Variants in KALRN observed in about 807,000 individuals in gnomAD.
The protein encoded by KALRN is kalirin RhoGEF kinase, also known as kalirin.
Under a neutral mutation model 353.7 loss-of-function variants are expected in KALRN, and 70 were observed. The observed-to-expected ratio is 0.20, with a 90% CI of 0.16 to 0.24. The LOEUF is 0.24. KALRN is among the 10% of genes least tolerant of loss of function. The probability of loss-of-function intolerance (pLI) is 1.00; values close to 1 mark genes in which losing one functional copy is unlikely to be tolerated. For missense variants in KALRN, 2,791 were observed against 3,756.7 expected, an observed-to-expected ratio of 0.74 and a Z score of 6.72; for synonymous variants, 1,391 against 1,434.8, an observed-to-expected ratio of 0.97 and a Z score of 0.69.
intron 37 of KALRN, among the ~76,000 whole-genome samples, chr3:124,647,003 C>G (rs1044701700): frequency 4.6e-5 from 7 of 152,032 alleles, no homozygotes; most frequent in African/African-American, 1.7e-4. Context: ...TGCTATTTCC[C>G]TGCTTACAAC....
chr3:124,683,004 G>A (rs1354768388), intron 51 of KALRN, among the ~76,000 whole-genome samples: 1 of 151,902 alleles, frequency 6.6e-6, no homozygotes, highest in East Asian at 1.9e-4. Flanking sequence ...ATACCTCATG[G>A]AGAACTGTTC....
intron 1 of KALRN, among the ~76,000 whole-genome samples, chr3:124,120,060 T>C (rs969322505): frequency 6.6e-6 from 1 of 152,144 alleles, no homozygotes; most frequent in African/African-American, 2.4e-5. Context: ...TTCACTGACT[T>C]TCTTAGTTGT....
In KALRN at chr3:124,256,206, T is replaced by G. The variant is rs1465102546; in HGVS notation, c.264-8292T>G. ...TGGGAGAAAGTGGCATTTGTCTCCC[T>G]AAGGCCAAACTGTAATGTAGGACAA... is the stretch of plus-strand genomic sequence containing the variant. On this transcript the variant is annotated intron_variant, in intron 3 of 59. Coordinates refer to ENST00000682506, the MANE Select transcript of KALRN (RefSeq NM_001388419.1). Among the ~76,000 whole-genome samples the G allele has an allele frequency of 3.9e-5, 6 of 152,282 alleles. No individual in the cohort carries two copies. The East Asian group carries it at 9.7e-4, about 25-fold the overall frequency.
At chr3:124,267,867 T>C (rs1031438124) in intron 4 of KALRN, among the ~76,000 whole-genome samples, 16 of 152,182 alleles carry the variant, frequency 1.1e-4, no homozygotes, top group African/African-American at 3.9e-4. Context: ...ATACATTTAA[T>C]CTCTGCAAGC....
intron 5 of KALRN, among the ~76,000 whole-genome samples, chr3:124,292,253 G>A (rs1294460810): frequency 6.6e-6 from 1 of 152,136 alleles, no homozygotes; most frequent in Non-Finnish European, 1.5e-5. Flanking sequence ...CACTTTGTAG[G>A]ATCTCATCCC....
intron 6 of KALRN, among the ~76,000 whole-genome samples, chr3:124,316,606 T>C (rs2078837008): frequency 6.6e-6 from 1 of 152,210 alleles, no homozygotes; most frequent in South Asian, 2.1e-4. Flanking sequence ...ACCTTCTTAC[T>C]TCATTCAGGG....
intron 3 of KALRN, among the ~76,000 whole-genome samples, chr3:124,252,214 C>T (rs946062102): frequency 2.0e-5 from 3 of 152,126 alleles, no homozygotes; most frequent in Non-Finnish European, 4.4e-5. Context: ...TAAAAATGAT[C>T]GAGTCCAACC....
chr3:124,326,456 G>GTGTGCA (rs2079926311), intron 7 of KALRN, among the ~76,000 whole-genome samples: 1 of 152,026 alleles, frequency 6.6e-6, no homozygotes, highest in African/African-American at 2.4e-5. Flanking sequence ...TTGCATGTGC[G>GTGTGCA]TGTGTGCATG....
At chr3:124,565,866 A>T (rs920473219) in intron 34 of KALRN, among the ~76,000 whole-genome samples, 6 of 152,196 alleles carry the variant, frequency 3.9e-5, no homozygotes, top group Non-Finnish European at 8.8e-5. Context: ...TCAGGGTAAG[A>T]ATTGCACAGG....
chr3:124,235,425 T>C (rs2079636888), intron 3 of KALRN, among the ~76,000 whole-genome samples: 1 of 152,106 alleles, frequency 6.6e-6, no homozygotes, highest in Non-Finnish European at 1.5e-5. Context: ...AGGATGATAA[T>C]TTTAAAAAGT....
At chr3:124,184,968 A>G (rs1269253640) in intron 1 of KALRN, among the ~76,000 whole-genome samples, 2 of 152,208 alleles carry the variant, frequency 1.3e-5, no homozygotes, top group South Asian at 2.1e-4. Flanking sequence ...CCAGTTCAGT[A>G]TAGCTAGCAA....
chr3:124,348,862 C>T (rs2082550113), intron 10 of KALRN, among the ~76,000 whole-genome samples: 1 of 131,902 alleles, frequency 7.6e-6, no homozygotes, highest in Non-Finnish European at 1.8e-5. Context: ...GGATTACAGG[C>T]ACCTGCCACC....
intron 33 of KALRN, among the ~76,000 whole-genome samples, chr3:124,503,584 G>C (rs2064864557): frequency 6.6e-6 from 1 of 152,072 alleles, no homozygotes; most frequent in Non-Finnish European, 1.5e-5. Flanking sequence ...AAGGAGCAGA[G>C]AGCAACAAAA....
rs754319334 is a variant in KALRN, at chr3:124,456,742, T to G, written c.3854+14T>G. On this transcript the variant is annotated intron_variant, in intron 23 of 59. Transcript: ENST00000682506. Reference sequence around the variant, plus strand: ...CCGGAAGAAAGAGTACGTGTTGGCTTCCGCCCAGCTAGCTGGCTCCCCGTG... The same window carrying G: ...CCGGAAGAAAGAGTACGTGTTGGCTGCCGCCCAGCTAGCTGGCTCCCCGTG... 7 of 1,587,226 alleles carry G rather than the reference T, an allele frequency of 4.4e-6. No individual in the cohort carries two copies. In the African/African-American group the frequency reaches 9.4e-5, roughly 21 times the overall value.
At position 124,616,417 on chromosome 3, in the gene KALRN, C is replaced by G. The variant is rs777911213; in HGVS notation, c.5183-16003C>G. 2.0e-5 allele frequency among the ~76,000 whole-genome samples: 3 copies of G among 152,192 alleles called. No homozygotes were observed. The South Asian group carries it at 6.2e-4, about 32-fold the overall frequency. ...CGGCTAGACTGCAACTTAGCTCCTACTTTGGCATTCATAACAGGTTTTGAG... is the reference window on the plus strand; with the variant it reads ...CGGCTAGACTGCAACTTAGCTCCTAGTTTGGCATTCATAACAGGTTTTGAG... On this transcript the variant is annotated intron_variant, in intron 34 of 59. Coordinates refer to ENST00000682506, the MANE Select transcript of KALRN (RefSeq NM_001388419.1).
intron 2 of KALRN, among the ~76,000 whole-genome samples, chr3:124,232,482 A>G (rs2079278475): frequency 6.6e-6 from 1 of 152,146 alleles, no homozygotes; most frequent in Non-Finnish European, 1.5e-5. Flanking sequence ...TTGGAGTTCA[A>G]CAGCCTGCCT....
chr3:124,036,966 A>G (rs957922709), intron 1 of KALRN, among the ~76,000 whole-genome samples: 8 of 152,154 alleles, frequency 5.3e-5, no homozygotes, highest in African/African-American at 1.9e-4. Flanking sequence ...CTACTATTCT[A>G]GATTGGTAGA....
At chr3:124,051,666 T>G (rs145506563) in intron 1 of KALRN, among the ~76,000 whole-genome samples, 193 of 152,304 alleles carry the variant, frequency 1.3e-3, no homozygotes, top group African/African-American at 4.6e-3. Context: ...GCGGAAAACT[T>G]TTGTGTTTTA....
chr3:124,116,282 A>G (rs760366237), intron 1 of KALRN, among the ~76,000 whole-genome samples: 26 of 152,346 alleles, frequency 1.7e-4, no homozygotes, highest in Non-Finnish European at 3.1e-4. Flanking sequence ...TAGTCCTTGT[A>G]CTGGAAAAAG....
Sources: gnomAD v4.1 joint callset for allele counts (sites outside exome capture counted in the v4.1 genomes callset) on GRCh38, gnomAD v4.1.1 for gene constraint, MANE v1.5 for transcripts, NCBI Gene and HGNC (gene_info 2026-07-23, HGNC 2026-07-21) for gene names.